Variants in PIMREG observed in about 807,000 individuals in gnomAD.
PIMREG encodes PICALM interacting mitotic regulator, also known as protein PIMREG.
PIMREG carries 19 observed loss-of-function variants against 24.3 expected under a neutral mutation model. The ratio of observed to expected loss-of-function variants is 0.78; its 90% CI spans 0.54 to 1.15. The LOEUF (loss-of-function observed/expected upper bound fraction) is 1.15. PIMREG is among the 50% of genes most tolerant of loss of function. The probability of loss-of-function intolerance (pLI) is 0.00; values close to 1 mark genes in which losing one functional copy is unlikely to be tolerated. For missense variants in PIMREG, 283 were observed against 306.8 expected (o/e 0.92, Z 0.58); for synonymous variants, 112 against 124.1 (o/e 0.90, Z 0.65).
chr17:6,449,332 A>G lies in PIMREG; in HGVS notation c.611A>G (p.Glu204Gly), dbSNP rs1435811421. ...CSPSESDSDL[E>G]PVGAGIQHLQ... ...TGCAGCGAGTCTGACAGTGACCTAG[A>G]GCCTGTGGGGGCGGGAATTCAGCAT... Residue 204 changes from glutamate to glycine, a missense_variant, in exon 4 of 6, where the codon GAG (glutamate) becomes GGG (glycine). By Grantham distance (98) the Glu-to-Gly change is moderately conservative. Coordinates refer to ENST00000572447, the MANE Select transcript of PIMREG (RefSeq NM_019013.3). 3.1e-6 allele frequency: 5 copies of G among 1,612,822 alleles called. No individual in the cohort carries two copies. Among genetic ancestry groups the G allele is most frequent in the Non-Finnish European group, 4.2e-6 (5 of 1,179,512 alleles).
In PIMREG at chr17:6,449,386, A is replaced by T; in HGVS notation, c.665A>T (p.Glu222Val). The change falls in exon 4 of 6, where the codon GAA becomes GTA. Residue 222 changes from glutamate to valine, a missense_variant. Transcript: ENST00000572447. Reference sequence around the variant, plus strand: ...CAGAAGCTGTCCCAAGAGCTAGATGAAGCCATTATGGCGGAAGAGAGGTGA... The same window carrying T: ...CAGAAGCTGTCCCAAGAGCTAGATGTAGCCATTATGGCGGAAGAGAGGTGA... ...HLQKLSQELD[E>V]AIMAEESGDI... The T allele has an allele frequency of 2.5e-6, 4 of 1,613,136 alleles. No homozygotes were observed. Among genetic ancestry groups the T allele is most frequent in the Non-Finnish European group, 2.5e-6 (3 of 1,179,260 alleles).
In PIMREG at chr17:6,445,230, A is replaced by T; in HGVS notation, c.120A>T (p.Val40=). ...QPVVSHQETS[V]GALGSLCRQF... ...TGGTCAGCCATCAGGAGACCTCTGTAGGGGCCCTGGGGTCCCTGTGCAGAC... is the reference window on the plus strand; with the variant it reads ...TGGTCAGCCATCAGGAGACCTCTGTTGGGGCCCTGGGGTCCCTGTGCAGAC... Residue 40 remains valine, a synonymous_variant, in exon 2 of 6, where the codon GTA becomes GTT. Coordinates refer to ENST00000572447, the MANE Select transcript of PIMREG (RefSeq NM_019013.3). The T allele has an allele frequency of 6.2e-7, 1 of 1,613,716 alleles. No individual in the cohort carries two copies. Among genetic ancestry groups the T allele is most frequent in the Middle Eastern group, 1.7e-4 (1 of 5,878 alleles).
chr17:6,449,987 C>G (rs752118729), intron 4 of PIMREG, 41 bp from the exon 5 acceptor site: 1 of 1,605,838 alleles, frequency 6.2e-7, no homozygotes, highest in Non-Finnish European at 8.5e-7. Context: ...CTCTCAGAGC[C>G]CACCACACCC....
At chr17:6,447,883 G>GT in intron 3 of PIMREG, 125 bp downstream of exon 3, 23 of 931,282 alleles carry the variant, frequency 2.5e-5, no homozygotes, top group Non-Finnish European at 3.7e-5. Flanking sequence ...TGGCTACCTG[G>GT]AGCCAGGGGC....
chr17:6,450,388 G>T lies in PIMREG; in HGVS notation c.*41G>T, dbSNP rs758440968. Reference sequence around the variant, plus strand: ...AAACAAGCCCTGTCTGACCGCCAAGGCTTCATACTCAAGGATGTCTATGCT... The same window carrying T: ...AAACAAGCCCTGTCTGACCGCCAAGTCTTCATACTCAAGGATGTCTATGCT... On this transcript the variant is annotated 3_prime_UTR_variant, in exon 6 of 6. Coordinates refer to ENST00000572447, the MANE Select transcript of PIMREG (RefSeq NM_019013.3). 6.4e-7 allele frequency: 1 copy of T among 1,569,420 alleles called. No individual in the cohort carries two copies. The highest frequency in any genetic ancestry group is 2.3e-5 in the East Asian group (1 of 43,618).
chr17:6,449,277 A>T (rs774173156), intron 3 of PIMREG, 35 bp from the exon 4 acceptor site: 1 of 1,579,330 alleles, frequency 6.3e-7, no homozygotes, highest in South Asian at 1.1e-5. Flanking sequence ...GGGAGTTTCC[A>T]ACTAGTCACT....
At chr17:6,448,282 C>CAAAAAAAAAAAAAAA (rs71154695) in intron 3 of PIMREG, among the ~76,000 whole-genome samples, 1,200 of 41,242 alleles carry the variant, frequency 0.029, 179 homozygotes, top group Non-Finnish European at 0.033. Flanking sequence ...GACCCTGTCT[C>CAAAAAAAAAAAAAAA]AAAAAAAAAA....
At position 6,448,135 on chromosome 17, in the gene PIMREG, T is replaced by C. The variant is rs182913143; in HGVS notation, c.590+377T>C. 1.7e-3 allele frequency among the ~76,000 whole-genome samples: 253 copies of C among 151,470 alleles called. 1 individual carries two copies. The highest frequency in any genetic ancestry group is 5.6e-3 in the African/African-American group (231 of 41,274). ...CTCATCTCTACTAAAAATACAAAAT[T>C]GGCTGGGCGTGGTGGTGCACGCCTG... is the stretch of plus-strand genomic sequence containing the variant. On this transcript the variant is annotated intron_variant, in intron 3 of 5. Coordinates refer to ENST00000572447, the MANE Select transcript of PIMREG (RefSeq NM_019013.3).
In PIMREG at chr17:6,449,385, G is replaced by A; in HGVS notation, c.664G>A (p.Glu222Lys). The change falls in exon 4 of 6, where the codon GAA (glutamate) becomes AAA (lysine). Residue 222 changes from glutamate to lysine, a missense_variant. Physicochemically the swap from Glu to Lys is moderately conservative, Grantham distance 56. Coordinates refer to ENST00000572447, the MANE Select transcript of PIMREG (RefSeq NM_019013.3). ...CCAGAAGCTGTCCCAAGAGCTAGAT[G>A]AAGCCATTATGGCGGAAGAGAGGTG... ...HLQKLSQELD[E>K]AIMAEESGDI... is the part of the protein sequence containing the mutation. 6.2e-7 allele frequency: 1 copy of A among 1,613,246 alleles called. No individual in the cohort carries two copies. Among genetic ancestry groups the A allele is most frequent in the Non-Finnish European group, 8.5e-7 (1 of 1,179,328 alleles).
chr17:6,444,985 C>T lies in PIMREG; in HGVS notation c.-35-91C>T. ...CCCGCCCCCGCCACCCCGCTGCATC[C>T]CGTCTCTTCCCCTGTGTCCAGGGTC... On this transcript the variant is annotated intron_variant, in intron 1 of 5. Transcript: ENST00000572447. This position sits in a 1 kb window ranked among gnomAD's most constrained non-coding sequence, Gnocchi z 4.3. 1 of 1,073,772 alleles carries T rather than the reference C, an allele frequency of 9.3e-7. No homozygotes were observed. The highest frequency in any genetic ancestry group is 1.3e-6 in the Non-Finnish European group (1 of 787,812). 66.5% of individuals were successfully genotyped at this position (1,073,772 alleles called of 1,614,324 possible).
At chr17:6,448,301 A>AAAAAAAAG (rs1259419657) in intron 3 of PIMREG, among the ~76,000 whole-genome samples, 8 of 149,312 alleles carry the variant, frequency 5.4e-5, no homozygotes, top group East Asian at 3.9e-4. Context: ...AAAAAAAAAA[A>AAAAAAAAG]AGAGAGAGAG....
rs376966149 is a variant in PIMREG at position 6,447,672 on chromosome 17, C to A, written c.504C>A (p.Gly168=). The change falls in exon 3 of 6, where the codon GGC becomes GGA. Residue 168 remains glycine (G), a synonymous_variant. Transcript: ENST00000572447. ...ATCACCGCCTCTCTGTCCGGATGGG[C>A]TCACATGCCCACCCATTACGGCGAT... ...KEHHRLSVRM[G]SHAHPLRRSR... is the part of the protein sequence containing the mutation. 6.8e-6 allele frequency: 11 copies of A among 1,614,082 alleles called. No homozygotes were observed. The African/African-American group carries it at 1.3e-4, about 20-fold the overall frequency.
At chr17:6,448,759 G>A (rs1410630756) in intron 3 of PIMREG, among the ~76,000 whole-genome samples, 2 of 152,118 alleles carry the variant, frequency 1.3e-5, no homozygotes, top group East Asian at 1.9e-4. Context: ...GTCCCATCTC[G>A]GAGCTCTCAG....
At position 6,445,121 on chromosome 17, in the gene PIMREG, G is replaced by C; in HGVS notation, c.11G>C (p.Arg4Pro). 6.3e-7 allele frequency: 1 copy of C among 1,594,930 alleles called. No homozygotes were observed. The highest frequency in any genetic ancestry group is 8.5e-7 in the Non-Finnish European group (1 of 1,170,148). ...CTCTTGGCCAGGCAGATGGCTTCTC[G>C]GTGGCAGAACATGGGGACCTCCGTG... Reference protein sequence around the residue: MASRWQNMGTSVRR... With the variant: MASPWQNMGTSVRR... The change falls in exon 2 of 6, where the codon CGG becomes CCG. Residue 4 changes from arginine to proline, a missense_variant. Coordinates refer to ENST00000572447, the MANE Select transcript of PIMREG (RefSeq NM_019013.3).
At chr17:6,449,507 C>T in intron 4 of PIMREG, 100 bp downstream of exon 4, 1 of 1,169,118 alleles carries the variant, frequency 8.6e-7, no homozygotes, top group African/African-American at 1.5e-5. Flanking sequence ...GCTGTGTGAC[C>T]CTGGCCAGTC....
chr17:6,445,511 C>A, intron 2 of PIMREG, 107 bp downstream of exon 2: 2 of 1,254,360 alleles, frequency 1.6e-6, no homozygotes, highest in Non-Finnish European at 2.2e-6. Context: ...AAAACAGGGA[C>A]GTTGGTTAGT....
At chr17:6,447,401 C>A in intron 2 of PIMREG, 62 bp from the exon 3 acceptor site, 1 of 1,551,944 alleles carries the variant, frequency 6.4e-7, no homozygotes, top group Non-Finnish European at 8.8e-7. Context: ...TAGGCGTGAG[C>A]CACCGCGCCC....
At position 6,447,611 on chromosome 17, in the gene PIMREG, C is replaced by T. The variant is rs1473119360; in HGVS notation, c.443C>T (p.Pro148Leu). Residue 148 changes from proline to leucine, a missense_variant, in exon 3 of 6, where the codon CCT becomes CTT. By Grantham distance (98) the Pro-to-Leu change is moderately conservative (BLOSUM62 -3). Coordinates refer to ENST00000572447, the MANE Select transcript of PIMREG (RefSeq NM_019013.3). ...AGCACCCGGCTGTCTGGAGCCGCCC[C>T]TGCCCACTCAGCCGCAGACCCCTGG... ...QKSTRLSGAAPAHSAADPWEK... is the reference protein window; with the variant it reads ...QKSTRLSGAALAHSAADPWEK... 1 of 1,614,058 alleles carries T rather than the reference C, an allele frequency of 6.2e-7. No homozygotes were observed. Among genetic ancestry groups the T allele is most frequent in the East Asian group, 2.2e-5 (1 of 44,874 alleles).
At position 6,450,419 on chromosome 17, in the gene PIMREG, G is replaced by A. The variant is rs77852080; in HGVS notation, c.*72G>A. The stretch of plus-strand genomic sequence containing the variant: ...TACTCAAGGATGTCTATGCTTCCCC[G>A]TGAGCTTCCTGGAAAAAACCCCCGG... On this transcript the variant is annotated 3_prime_UTR_variant, in exon 6 of 6. Coordinates refer to ENST00000572447, the MANE Select transcript of PIMREG (RefSeq NM_019013.3). 2.2e-3 allele frequency: 3,487 copies of A among 1,569,644 alleles called. 56 individuals carry two copies. The African/African-American group carries it at 0.035, about 16-fold the overall frequency.
Sources: allele counts gnomAD v4.1 joint callset (sites outside exome capture counted in the v4.1 genomes callset), GRCh38; gene constraint gnomAD v4.1.1; non-coding constraint Gnocchi (gnomAD v3.1); transcripts MANE v1.5; gene names NCBI Gene and HGNC (gene_info 2026-07-23, HGNC 2026-07-21).